Variants in SPAG16 observed in about 807,000 individuals in gnomAD.
SPAG16 encodes the protein sperm associated antigen 16.
SPAG16 carries 86 observed loss-of-function variants against 80.4 expected under a neutral mutation model. That is an observed-to-expected ratio of 1.07 (90% CI 0.90 to 1.28). The LOEUF (loss-of-function observed/expected upper bound fraction) is 1.28, where lower values mean the gene tolerates loss of function less well. SPAG16 is among the 50% of genes most tolerant of loss of function. The probability of loss-of-function intolerance (pLI) is 0.00; values close to 1 mark genes in which losing one functional copy is unlikely to be tolerated. For missense variants in SPAG16, 870 were observed against 765.3 expected (o/e 1.14, Z -1.61); for synonymous variants, 294 against 265.9 (o/e 1.11, Z -1.03).
At chr2:213,296,010 G>A (rs758095624) in intron 1 of SPAG16, 54 bp from the exon 2 acceptor site, 2 of 1,471,502 alleles carry the variant, frequency 1.4e-6, no homozygotes, top group Non-Finnish European at 1.9e-6. Flanking sequence ...ATCAATTTTT[G>A]TGCAATAATT....
At chr2:213,519,085 A>G (rs1312900997) in intron 10 of SPAG16, among the ~76,000 whole-genome samples, 2 of 152,180 alleles carry the variant, frequency 1.3e-5, no homozygotes, top group Non-Finnish European at 2.9e-5. Flanking sequence ...GGGTTAGGTC[A>G]AAAAACTGCC....
chr2:214,126,969 T>C (rs1436882162), intron 14 of SPAG16, among the ~76,000 whole-genome samples: 1 of 151,892 alleles, frequency 6.6e-6, no homozygotes, highest in Non-Finnish European at 1.5e-5. Context: ...TGTAGTAAGT[T>C]CTCTGTAAGT....
chr2:213,947,420 T>C (rs1189259483), intron 12 of SPAG16, among the ~76,000 whole-genome samples: 1 of 152,172 alleles, frequency 6.6e-6, no homozygotes, highest in Non-Finnish European at 1.5e-5. Context: ...TGGTTTTAAT[T>C]GGTATTTCTA....
At chr2:214,111,345 A>G (rs2053652828) in intron 14 of SPAG16, among the ~76,000 whole-genome samples, 1 of 152,184 alleles carries the variant, frequency 6.6e-6, no homozygotes, top group South Asian at 2.1e-4. Flanking sequence ...AGCTTTCTAC[A>G]TATGGCTAGC....
chr2:214,188,033 A>G (rs2057536793), intron 15 of SPAG16, among the ~76,000 whole-genome samples: 1 of 152,092 alleles, frequency 6.6e-6, no homozygotes, highest in Non-Finnish European at 1.5e-5. Context: ...AAGAAGCCCA[A>G]GTTATGAGAA....
intron 10 of SPAG16, among the ~76,000 whole-genome samples, chr2:213,740,357 G>T (rs2067490025): frequency 6.6e-6 from 1 of 152,128 alleles, no homozygotes; most frequent in Admixed American, 6.5e-5. Context: ...TGTAAAGAAA[G>T]GTTGATGTCT....
chr2:214,319,200 CCA>C lies in SPAG16; in HGVS notation c.1721-90917_1721-90916del, dbSNP rs61711759. ...CCTAATAAACTTGCACACACACACACCACACACACACACACACACACACAAGA... is the reference window on the plus strand; with the variant it reads ...CCTAATAAACTTGCACACACACACACCACACACACACACACACACACAAGA... On this transcript the variant is annotated intron_variant, in intron 15 of 15. Coordinates refer to ENST00000331683, the MANE Select transcript of SPAG16 (RefSeq NM_024532.5). Among the ~76,000 whole-genome samples, 947 of 142,334 alleles carry C rather than the reference CCA, an allele frequency of 6.7e-3. 5 individuals are homozygous for C. Among genetic ancestry groups the C allele is most frequent in the African/African-American group, 9.3e-3 (354 of 38,128 alleles). 93.4% of individuals were successfully genotyped at this position (142,334 alleles called of 152,430 possible).
chr2:214,340,834 A>G (rs974963937), intron 15 of SPAG16, among the ~76,000 whole-genome samples: 1 of 152,154 alleles, frequency 6.6e-6, no homozygotes, highest in Non-Finnish European at 1.5e-5. Context: ...CTGGGTTTTC[A>G]TCTCCACTCA....
In SPAG16 at chr2:214,057,345, A is replaced by G. The variant is rs563497409; in HGVS notation, c.1527+43268A>G. 6.6e-5 allele frequency among the ~76,000 whole-genome samples: 10 copies of G among 152,260 alleles called. No homozygotes were observed. The South Asian group carries it at 1.9e-3, about 28-fold the overall frequency. ...TTGTGTTATCAGGCATCAAAACAAC[A>G]CTAATCTCCAATATCTTTATCAGAG... On this transcript the variant is annotated intron_variant, in intron 13 of 15. Transcript: ENST00000331683.
intron 3 of SPAG16, among the ~76,000 whole-genome samples, chr2:213,301,612 T>G (rs2062742968): frequency 6.6e-6 from 1 of 152,122 alleles, no homozygotes; most frequent in Non-Finnish European, 1.5e-5. Flanking sequence ...AAAGCTACCC[T>G]CTTTCTTTTC....
At position 214,372,618 on chromosome 2, in the gene SPAG16, G is replaced by A. The variant is rs187462652; in HGVS notation, c.1721-37522G>A. Reference sequence around the variant, plus strand: ...AGGCCTTTCTCTGTGCTATTTATCCGCATGCCTGGAGAGGATTACATGGAT... The same window carrying A: ...AGGCCTTTCTCTGTGCTATTTATCCACATGCCTGGAGAGGATTACATGGAT... On this transcript the variant is annotated intron_variant, in intron 15 of 15. Coordinates refer to ENST00000331683, the MANE Select transcript of SPAG16 (RefSeq NM_024532.5). 3.9e-5 allele frequency among the ~76,000 whole-genome samples: 6 copies of A among 152,284 alleles called. 1 individual carries two copies. Among genetic ancestry groups the A allele is most frequent in the East Asian group, 1.9e-4 (1 of 5,190 alleles).
chr2:213,859,316 T>C (rs1267594941), intron 10 of SPAG16, among the ~76,000 whole-genome samples: 2 of 149,578 alleles, frequency 1.3e-5, no homozygotes, highest in East Asian at 4.1e-4. Context: ...GTGCAGCATG[T>C]ACATCTGCAC....
At chr2:213,912,671 T>G (rs1428400546) in intron 11 of SPAG16, among the ~76,000 whole-genome samples, 1 of 150,874 alleles carries the variant, frequency 6.6e-6, no homozygotes, top group Non-Finnish European at 1.5e-5. Context: ...TTCCTCAATG[T>G]TAAAAATAGC....
chr2:214,050,101 C>A (rs367802695), intron 13 of SPAG16, among the ~76,000 whole-genome samples: 3 of 151,940 alleles, frequency 2.0e-5, no homozygotes, highest in East Asian at 3.9e-4. Context: ...TAAGAATACC[C>A]ATGAGTGAGC....
At chr2:213,682,962 T>C (rs948351939) in intron 10 of SPAG16, among the ~76,000 whole-genome samples, 2 of 152,220 alleles carry the variant, frequency 1.3e-5, no homozygotes, top group Admixed American at 6.5e-5. Flanking sequence ...TATTTTGTCT[T>C]ATCTGATGGG....
At chr2:213,780,431 A>G (rs774261748) in intron 10 of SPAG16, among the ~76,000 whole-genome samples, 2 of 151,992 alleles carry the variant, frequency 1.3e-5, no homozygotes, top group East Asian at 1.9e-4. Context: ...CTCTTGGGGA[A>G]TTGTACCTTT....
intron 15 of SPAG16, among the ~76,000 whole-genome samples, chr2:214,258,573 T>G (rs995215765): frequency 6.6e-6 from 1 of 151,698 alleles, no homozygotes; most frequent in Non-Finnish European, 1.5e-5. Context: ...GTTTCATATT[T>G]CTGCAATTGT....
chr2:213,686,523 T>C (rs1415813019), intron 10 of SPAG16, among the ~76,000 whole-genome samples: 1 of 152,154 alleles, frequency 6.6e-6, no homozygotes, highest in East Asian at 1.9e-4. Flanking sequence ...TTAAAACTTA[T>C]TTGTATCTTT....
intron 12 of SPAG16, among the ~76,000 whole-genome samples, chr2:213,936,600 C>T (rs986261564): frequency 6.6e-6 from 1 of 152,140 alleles, no homozygotes; most frequent in Non-Finnish European, 1.5e-5. Flanking sequence ...AAGATAAAGA[C>T]AACAGGAGTT....
Sources: gnomAD v4.1 joint callset for allele counts (sites outside exome capture counted in the v4.1 genomes callset) on GRCh38, gnomAD v4.1.1 for gene constraint, MANE v1.5 for transcripts, NCBI Gene and HGNC (gene_info 2026-07-23, HGNC 2026-07-21) for gene names.